Variants in COX6B1 observed in about 807,000 individuals in gnomAD.
The protein encoded by COX6B1 is cytochrome c oxidase subunit 6B1, also known as COX VIb-1.
In COX6B1, 2 loss-of-function variants were observed where a neutral mutation model predicts 14.0. The observed-to-expected ratio is 0.14, with a 90% CI of 0.06 to 0.45. The LOEUF (loss-of-function observed/expected upper bound fraction) is 0.45. Ranked by LOEUF, COX6B1 falls within the 20% of genes least tolerant of loss-of-function variation. COX6B1 has a pLI of 0.98. For missense variants in COX6B1, 81 were observed against 114.2 expected (o/e 0.71, Z 1.33); for synonymous variants, 30 against 39.7 (o/e 0.76, Z 0.92).
At chr19:35,651,420 C>T (rs975851179) in intron 2 of COX6B1, 71 bp downstream of exon 2, 77 of 1,122,266 alleles carry the variant, frequency 6.9e-5, no homozygotes, top group South Asian at 3.3e-4. Flanking sequence ...GGGACCCATC[C>T]ACCCCAGCCT....
At chr19:35,651,141 T>A in intron 1 of COX6B1, 92 bp from the exon 2 acceptor site, 2 of 795,890 alleles carry the variant, frequency 2.5e-6, no homozygotes, top group East Asian at 5.0e-5. Flanking sequence ...CAGCCCATTG[T>A]TCCGTGCCTG....
rs142148914 is a variant in COX6B1, at chr19:35,653,365, C to T, written c.107-1206C>T. Among the ~76,000 whole-genome samples, 156 of 149,328 alleles carry T rather than the reference C, an allele frequency of 1.0e-3. 3 individuals are homozygous for T. In the East Asian group the frequency reaches 0.027, roughly 26 times the overall value. ...TTGGCTCACTGCAACCTCCGCCTCC[C>T]GGGTTTAAGCAATTCTCCTGCCTCA... On this transcript the variant is annotated intron_variant, in intron 2 of 3. Coordinates refer to ENST00000649813, the MANE Select transcript of COX6B1 (RefSeq NM_001863.5).
intron 1 of COX6B1, among the ~76,000 whole-genome samples, chr19:35,649,656 T>A (rs1967802574): frequency 6.6e-6 from 1 of 152,082 alleles, no homozygotes; most frequent in Non-Finnish European, 1.5e-5. Context: ...TTTTTTGTAT[T>A]TTTAGTAGAG....
intron 3 of COX6B1, among the ~76,000 whole-genome samples, chr19:35,655,755 G>GTCTCTCTCTCTCTCTCTCTCTC (rs3038413): frequency 2.7e-5 from 4 of 146,074 alleles, no homozygotes; most frequent in African/African-American, 5.0e-5. Flanking sequence ...CACTGTGCCT[G>GTCTCTCTCTCTCTCTCTCTCTC]TCTCTCTCTC....
chr19:35,658,574 A>G lies in COX6B1; in HGVS notation c.208-20A>G, dbSNP rs1481046163. 2 of 1,611,992 alleles carry G rather than the reference A, an allele frequency of 1.2e-6. No individual in the cohort carries two copies. The highest frequency in any genetic ancestry group is 1.1e-5 in the South Asian group (1 of 91,048). On this transcript the variant is annotated intron_variant, in intron 3 of 3. Transcript: ENST00000649813. ...GTTCAGTTTCCCCACTGCGGAGGGA[A>G]TAACACTGTCTTTCCACAGGTCACA...
chr19:35,650,256 G>A (rs889469808), intron 1 of COX6B1, among the ~76,000 whole-genome samples: 1 of 152,120 alleles, frequency 6.6e-6, no homozygotes, highest in Non-Finnish European at 1.5e-5. Flanking sequence ...CACCCCCCTG[G>A]CCTCCCAAAG....
intron 3 of COX6B1, among the ~76,000 whole-genome samples, chr19:35,658,341 C>G (rs780636793): frequency 6.6e-6 from 1 of 152,106 alleles, no homozygotes; most frequent in Non-Finnish European, 1.5e-5. Flanking sequence ...TGACACATCT[C>G]CCCATCGACA....
At chr19:35,655,915 TA>T (rs146831699) in intron 3 of COX6B1, among the ~76,000 whole-genome samples, 2,886 of 152,222 alleles carry the variant, frequency 0.019, 47 homozygotes, top group Admixed American at 0.035. Context: ...TGGAGTGCAG[TA>T]GCATGATCTC....
chr19:35,653,187 C>T (rs1216160083), intron 2 of COX6B1, among the ~76,000 whole-genome samples: 5 of 150,554 alleles, frequency 3.3e-5, no homozygotes, highest in Non-Finnish European at 5.9e-5. Context: ...CTTGGCCAGG[C>T]TGGTCTTAAA....
intron 3 of COX6B1, 44 bp from the exon 4 acceptor site, chr19:35,658,550 T>C (rs373169067): frequency 5.5e-5 from 86 of 1,570,286 alleles, no homozygotes; most frequent in Non-Finnish European, 7.5e-5. Context: ...AGTCCATCCG[T>C]TCAGTTTCCC....
chr19:35,657,704 C>T (rs1042028643), intron 3 of COX6B1, among the ~76,000 whole-genome samples: 61 of 134,458 alleles, frequency 4.5e-4, no homozygotes, highest in African/African-American at 7.8e-4. Flanking sequence ...GGCTGGAGTG[C>T]GGTGTGCAGT....
chr19:35,649,942 T>TA (rs1355283516), intron 1 of COX6B1, among the ~76,000 whole-genome samples: 1 of 152,086 alleles, frequency 6.6e-6, no homozygotes, highest in African/African-American at 2.4e-5. Flanking sequence ...GGTATTCTTA[T>TA]ACCACATTAT....
intron 3 of COX6B1, among the ~76,000 whole-genome samples, chr19:35,655,156 A>C (rs2146372587): frequency 6.6e-6 from 1 of 151,692 alleles, no homozygotes; most frequent in Non-Finnish European, 1.5e-5. Flanking sequence ...CAGCCTTCCA[A>C]GTAGCTGGGA....
chr19:35,649,223 G>A (rs546307795), intron 1 of COX6B1, among the ~76,000 whole-genome samples: 1 of 152,300 alleles, frequency 6.6e-6, no homozygotes, highest in East Asian at 1.9e-4. Context: ...GGGTGGAATT[G>A]CATCTGTGTT....
At chr19:35,655,819 TTC>T (rs567074006) in intron 3 of COX6B1, among the ~76,000 whole-genome samples, 84 of 147,086 alleles carry the variant, frequency 5.7e-4, no homozygotes, top group Non-Finnish European at 9.6e-4. Context: ...CTTGCTCTCT[TTC>T]TCTCTCGCTC....
In COX6B1 at chr19:35,654,647, C is replaced by T; in HGVS notation, c.183C>T (p.Tyr61=). The T allele has an allele frequency of 6.2e-7, 1 of 1,614,154 alleles. No individual in the cohort carries two copies. The highest frequency in any genetic ancestry group is 1.1e-5 in the South Asian group (1 of 91,086). ...ISVCEWYQRV[Y]QSLCPTSWVT... Reference sequence around the variant, plus strand: ...TGTGCGAATGGTACCAGCGTGTGTACCAGTCCCTCTGCCCCACATCCTGGG... The same window carrying T: ...TGTGCGAATGGTACCAGCGTGTGTATCAGTCCCTCTGCCCCACATCCTGGG... Residue 61 remains tyrosine, a synonymous_variant, in exon 3 of 4, where the codon TAC becomes TAT. Coordinates refer to ENST00000649813, the MANE Select transcript of COX6B1 (RefSeq NM_001863.5).
At chr19:35,652,306 C>T (rs1376961283) in intron 2 of COX6B1, among the ~76,000 whole-genome samples, 1 of 150,444 alleles carries the variant, frequency 6.6e-6, no homozygotes. Flanking sequence ...GCTGGGATTA[C>T]AGGCATGAGC....
At chr19:35,651,775 G>A (rs1967827081) in intron 2 of COX6B1, among the ~76,000 whole-genome samples, 1 of 151,964 alleles carries the variant, frequency 6.6e-6, no homozygotes, top group Non-Finnish European at 1.5e-5. Context: ...TTGTTGCCCA[G>A]GCTGGTCTCA....
At chr19:35,652,618 T>C (rs1967839247) in intron 2 of COX6B1, among the ~76,000 whole-genome samples, 1 of 149,800 alleles carries the variant, frequency 6.7e-6, no homozygotes, top group Non-Finnish European at 1.5e-5. Flanking sequence ...GTATTTTTTT[T>C]TTTTTTTAGT....
Sources: gnomAD v4.1 joint callset for allele counts (sites outside exome capture counted in the v4.1 genomes callset) on GRCh38, gnomAD v4.1.1 for gene constraint, MANE v1.5 for transcripts, NCBI Gene and HGNC (gene_info 2026-07-23, HGNC 2026-07-21) for gene names.